The following USP13 variants were observed in gnomAD, a reference collection of about 807,000 sequenced individuals.
USP13 encodes ubiquitin carboxyl-terminal hydrolase 13.
USP13 carries 68 observed loss-of-function variants against 107.8 expected under a neutral mutation model. That is an observed-to-expected ratio of 0.63 (90% confidence interval 0.52 to 0.77). USP13 has a LOEUF of 0.77. USP13 is among the 30% of genes least tolerant of loss of function. The pLI is 0.00. For synonymous variants in USP13, 377 were observed against 389.5 expected (o/e 0.97, Z 0.38); for missense variants, 945 against 1,093.3 (o/e 0.86, Z 1.91).
At chr3:179,705,620 T>C (rs1405341650) in intron 4 of USP13, among the ~76,000 whole-genome samples, 1 of 152,254 alleles carries the variant, frequency 6.6e-6, no homozygotes, top group Non-Finnish European at 1.5e-5. Flanking sequence ...TCTTTTTTAT[T>C]GGCAAATAAC....
rs751125711 is a variant in USP13 at position 179,653,256 on chromosome 3, C to T, written c.31C>T (p.Pro11Ser). ...GCGCCGGGGCGCCCTGTTCGGCATG[C>T]CGGGCGGCAGCGGAGGCAGGAAGAT... MQRRGALFGM[P>S]GGSGGRKMAA... The change falls in exon 1 of 21, where the codon CCG becomes TCG. Residue 11 changes from proline to serine, a missense_variant. Transcript: ENST00000263966. The surrounding 1 kb of genome is among the most constrained non-coding windows in gnomAD (Gnocchi z 4.0). 8 of 1,558,374 alleles carry T rather than the reference C, an allele frequency of 5.1e-6. No individual in the cohort carries two copies. The South Asian group carries it at 8.3e-5, about 16-fold the overall frequency.
intron 6 of USP13, 22 bp downstream of exon 6, chr3:179,708,979 T>C: frequency 1.2e-6 from 2 of 1,608,574 alleles, no homozygotes; most frequent in East Asian, 2.2e-5. Flanking sequence ...TTTACCGACT[T>C]TGGGAACATG....
At chr3:179,736,393 C>T (rs766006928) in intron 10 of USP13, among the ~76,000 whole-genome samples, 5 of 152,120 alleles carry the variant, frequency 3.3e-5, no homozygotes, top group African/African-American at 1.2e-4. Flanking sequence ...ATTAGTAAGA[C>T]GTCCCCTCTG....
Position 179,783,918 on chromosome 3 carries a change from C to T in USP13, c.2499-130C>T, listed in dbSNP as rs143878089. On this transcript the variant is annotated intron_variant, in intron 20 of 20. Transcript: ENST00000263966. The stretch of plus-strand genomic sequence containing the variant: ...TACCAGCATTCTGTCCCTTTTTATA[C>T]AACGAACTTGAGTATAGTACCTTAA... 16 of 544,376 alleles carry T rather than the reference C, an allele frequency of 2.9e-5. No individual in the cohort carries two copies. In the East Asian group the frequency reaches 5.6e-4, roughly 19 times the overall value. 33.7% of individuals were successfully genotyped at this position (544,376 alleles called of 1,614,324 possible). A position where few individuals can be genotyped will look rare whatever the true frequency, so the allele number is the denominator to read the frequency against.
intron 1 of USP13, among the ~76,000 whole-genome samples, chr3:179,679,408 T>G (rs990828094): frequency 1.3e-5 from 2 of 152,268 alleles, no homozygotes; most frequent in East Asian, 1.9e-4. Context: ...CTGTAAGGAA[T>G]TTTGTAAGGT....
At chr3:179,687,706 T>C (rs1021940317) in intron 2 of USP13, among the ~76,000 whole-genome samples, 1 of 124,944 alleles carries the variant, frequency 8.0e-6, no homozygotes, top group Non-Finnish European at 1.8e-5. Flanking sequence ...TGTTGCTTCC[T>C]GACTAACCTT....
In USP13 at chr3:179,701,089, A is replaced by G. The variant is rs558073198; in HGVS notation, c.437A>G (p.Tyr146Cys). 1.2e-6 allele frequency: 2 copies of G among 1,614,038 alleles called. No homozygotes were observed. The highest frequency in any genetic ancestry group is 1.1e-5 in the South Asian group (1 of 91,076). The change falls in exon 4 of 21, where the codon TAT (tyrosine) becomes TGT (cysteine). Residue 146 changes from tyrosine (Y) to cysteine (C), a missense_variant. Physicochemically the swap from Tyr to Cys is radical, Grantham distance 194. Transcript: ENST00000263966. ...AAACTTGTTATATTCCCAGATCACT[A>G]TGAAATAGCACTACCAAATATTGAG... ...EAKLVIFPDH[Y>C]EIALPNIEEL...
intron 16 of USP13, among the ~76,000 whole-genome samples, chr3:179,758,947 G>T (rs991958362): frequency 6.6e-6 from 1 of 150,544 alleles, no homozygotes; most frequent in African/African-American, 2.5e-5. Context: ...CTATTATTGT[G>T]CCTGGCTCAC....
At chr3:179,690,809 A>C (rs1576928327) in intron 3 of USP13, among the ~76,000 whole-genome samples, 2 of 152,168 alleles carry the variant, frequency 1.3e-5, no homozygotes, top group African/African-American at 2.4e-5. Context: ...CCTGAGCTCA[A>C]GCGATCCAAC....
chr3:179,763,595 CT>C lies in USP13; in HGVS notation c.2093-398del, dbSNP rs993195662. On this transcript the variant is annotated intron_variant, in intron 17 of 20. Transcript: ENST00000263966. The stretch of plus-strand genomic sequence containing the variant: ...TGCCTATATACCAGTACCAGACTGT[CT>C]TTTTTTTTGAGACAGAGCCTTGCTC... Among the ~76,000 whole-genome samples, 6 of 151,482 alleles carry C rather than the reference CT, an allele frequency of 4.0e-5. No individual in the cohort carries two copies. In the South Asian group the frequency reaches 8.4e-4, roughly 21 times the overall value.
At chr3:179,704,359 ATT>A (rs1278863251) in intron 4 of USP13, among the ~76,000 whole-genome samples, 1 of 152,178 alleles carries the variant, frequency 6.6e-6, no homozygotes, top group African/African-American at 2.4e-5. Flanking sequence ...CACAGACATG[ATT>A]TGGGTAGTTG....
chr3:179,761,725 AAAAC>A (rs936961162), intron 17 of USP13, among the ~76,000 whole-genome samples: 8 of 152,210 alleles, frequency 5.3e-5, no homozygotes, highest in South Asian at 2.1e-4. Context: ...CTGTCTCAAA[AAAAC>A]AAACAAACAA....
chr3:179,744,666 G>A (rs1030218786), intron 12 of USP13, among the ~76,000 whole-genome samples: 1 of 152,184 alleles, frequency 6.6e-6, no homozygotes, highest in Non-Finnish European at 1.5e-5. Flanking sequence ...CTGATGCGAA[G>A]GCCTTGTGTT....
intron 19 of USP13, among the ~76,000 whole-genome samples, chr3:179,780,686 ATGC>A (rs1348309526): frequency 5.9e-5 from 9 of 152,188 alleles, no homozygotes; most frequent in Non-Finnish European, 2.9e-5. Flanking sequence ...ACAGAATGTG[ATGC>A]TGCTGAAGAG....
chr3:179,777,071 A>C (rs1026059879), intron 19 of USP13, among the ~76,000 whole-genome samples: 1 of 152,022 alleles, frequency 6.6e-6, no homozygotes, highest in Admixed American at 6.5e-5. Flanking sequence ...TAATGCATGG[A>C]GCAGTTGCTT....
intron 18 of USP13, among the ~76,000 whole-genome samples, chr3:179,765,132 C>G (rs986776556): frequency 3.3e-5 from 5 of 152,178 alleles, no homozygotes; most frequent in African/African-American, 1.2e-4. Flanking sequence ...ACATGGAGTT[C>G]AGTTTAAACA....
chr3:179,763,159 C>G lies in USP13; in HGVS notation c.2093-843C>G, dbSNP rs567771151. On this transcript the variant is annotated intron_variant, in intron 17 of 20. Transcript: ENST00000263966. ...GATATATGATTTGTGTTTTCCCCCCCATTCTGGTGTTTTTTCACTTTCTTG... is the reference window on the plus strand; with the variant it reads ...GATATATGATTTGTGTTTTCCCCCCGATTCTGGTGTTTTTTCACTTTCTTG... Among the ~76,000 whole-genome samples, 10 of 152,296 alleles carry G rather than the reference C, an allele frequency of 6.6e-5. No individual in the cohort carries two copies. In the East Asian group the frequency reaches 1.9e-3, roughly 29 times the overall value.
Position 179,727,808 on chromosome 3 carries a change from C to G in USP13, c.1089-2381C>G, listed in dbSNP as rs1239771580. On this transcript the variant is annotated intron_variant, in intron 8 of 20. Coordinates refer to ENST00000263966, the MANE Select transcript of USP13 (RefSeq NM_003940.3). ...CTGGGCAGGGGGCTGACCCCCCCCCCACCTCCCTCCCGGACGGGGCGGCTG... is the reference window on the plus strand; with the variant it reads ...CTGGGCAGGGGGCTGACCCCCCCCCGACCTCCCTCCCGGACGGGGCGGCTG... Among the ~76,000 whole-genome samples the G allele has an allele frequency of 5.9e-3, 403 of 68,848 alleles. 51 individuals are homozygous for G. The highest frequency in any genetic ancestry group is 0.02 in the African/African-American group (377 of 18,704). The allele number at this position is 68,848 out of a possible 152,430, so 45.2% of individuals were successfully genotyped here.
At chr3:179,756,288 C>T (rs1393226480) in intron 15 of USP13, among the ~76,000 whole-genome samples, 2 of 152,068 alleles carry the variant, frequency 1.3e-5, no homozygotes, top group African/African-American at 2.4e-5. Flanking sequence ...CTGGGCGTGG[C>T]CACACTTGCC....
Sources: gnomAD v4.1 joint callset for allele counts (sites outside exome capture counted in the v4.1 genomes callset) on GRCh38, gnomAD v4.1.1 for gene constraint, Gnocchi (gnomAD v3.1) non-coding constraint, MANE v1.5 for transcripts, NCBI Gene and HGNC (gene_info 2026-07-23, HGNC 2026-07-21) for gene names.